GCH1: variants seen among roughly 807,000 people sequenced by gnomAD.
The protein encoded by GCH1 is GTP cyclohydrolase 1, also known as GTP cyclohydrolase I.
A neutral mutation model predicts 25.9 loss-of-function variants in GCH1; 5 were observed. The observed-to-expected ratio is 0.19, with a 90% CI of 0.10 to 0.41. The LOEUF is 0.41. Among genes scored for constraint, GCH1 ranks in the 10% least tolerant of loss-of-function variants. The pLI is 1.00. For missense variants in GCH1, 261 were observed against 336.5 expected (o/e 0.78, Z 1.75); for synonymous variants, 159 against 129.6 (o/e 1.23, Z -1.54).
intron 1 of GCH1, among the ~76,000 whole-genome samples, chr14:54,874,410 GC>G (rs1426124902): frequency 1.3e-4 from 20 of 152,196 alleles, no homozygotes; most frequent in Admixed American, 1.3e-3. Context: ...AAAACTGGAA[GC>G]ATTCCCTTTG....
chr14:54,875,351 A>G (rs1223539363), intron 1 of GCH1, among the ~76,000 whole-genome samples: 3 of 152,230 alleles, frequency 2.0e-5, no homozygotes, highest in Non-Finnish European at 4.4e-5. Flanking sequence ...TAAACGTTAG[A>G]CCTAAAACCA....
At chr14:54,870,543 G>A (rs1198190568) in intron 1 of GCH1, among the ~76,000 whole-genome samples, 1 of 152,172 alleles carries the variant, frequency 6.6e-6, no homozygotes. Context: ...GCCAAAGCAG[G>A]GCGAGGCGTC....
rs181674470 is a variant in GCH1 at position 54,843,761 on chromosome 14, T to C, written c.*256A>G. On this transcript the variant is annotated 3_prime_UTR_variant, in exon 6 of 6. Transcript: ENST00000491895. ...CCAGGCCCCTCTGGTTATCTGGCAG[T>C]GGTTTTGTGCACGTACTTACACTAT... is the stretch of plus-strand genomic sequence containing the variant. 2.2e-4 allele frequency: 363 copies of C among 1,613,986 alleles called. 3 individuals carry two copies. In the East Asian group the frequency reaches 6.2e-3, roughly 28 times the overall value.
At chr14:54,846,179 A>G (rs2039639037) in intron 4 of GCH1, among the ~76,000 whole-genome samples, 1 of 152,212 alleles carries the variant, frequency 6.6e-6, no homozygotes, top group Non-Finnish European at 1.5e-5. Flanking sequence ...ACCTCCATGG[A>G]GGTAAAGTAG....
chr14:54,847,598 C>G (rs1296359405), intron 3 of GCH1, among the ~76,000 whole-genome samples: 3 of 152,254 alleles, frequency 2.0e-5, no homozygotes, highest in South Asian at 4.2e-4. Flanking sequence ...CTCCTTGCTC[C>G]TCAAGCTTGC....
intron 3 of GCH1, among the ~76,000 whole-genome samples, chr14:54,847,595 C>T (rs1304990642): frequency 4.6e-5 from 7 of 152,126 alleles, no homozygotes; most frequent in African/African-American, 1.7e-4. Flanking sequence ...GCTCTCCTTG[C>T]TCCTCAAGCT....
intron 1 of GCH1, among the ~76,000 whole-genome samples, chr14:54,892,820 T>G (rs2040440054): frequency 6.6e-6 from 1 of 152,244 alleles, no homozygotes; most frequent in Non-Finnish European, 1.5e-5. Flanking sequence ...GGCTCATGCC[T>G]GTAATCCCAG....
At chr14:54,870,796 G>A (rs1272883269) in intron 1 of GCH1, among the ~76,000 whole-genome samples, 1 of 152,220 alleles carries the variant, frequency 6.6e-6, no homozygotes, top group African/African-American at 2.4e-5. Context: ...CAGCGAGGCT[G>A]GGGGAGGGGC....
chr14:54,843,543 A>C lies in GCH1; in HGVS notation c.*474T>G, dbSNP rs1378724394. The C allele has an allele frequency of 7.4e-7, 1 of 1,353,038 alleles. No individual in the cohort carries two copies. Among genetic ancestry groups the C allele is most frequent in the African/African-American group, 1.5e-5 (1 of 67,946 alleles). The allele number at this position is 1,353,038 out of a possible 1,614,324, so 83.8% of individuals were successfully genotyped here. A position where few individuals can be genotyped will look rare whatever the true frequency, so the allele number is the denominator to read the frequency against. On this transcript the variant is annotated 3_prime_UTR_variant, in exon 6 of 6. Coordinates refer to ENST00000491895, the MANE Select transcript of GCH1 (RefSeq NM_000161.3). ...TGGTTTAATAAACATGACCAAAGTG[A>C]AGTCTGTTGAACTTGAATTCACAGA...
chr14:54,898,935 A>C lies in GCH1; in HGVS notation c.343+3386T>G, dbSNP rs116301374. 9.6e-3 allele frequency among the ~76,000 whole-genome samples: 1,462 copies of C among 152,220 alleles called. 28 individuals carry two copies. Among genetic ancestry groups the C allele is most frequent in the African/African-American group, 0.033 (1,371 of 41,536 alleles). ...CACCATGCCTGGCCCAATTTTCTTAATTTTTAAATTTTGTTAAAAACTAAG... is the reference window on the plus strand; with the variant it reads ...CACCATGCCTGGCCCAATTTTCTTACTTTTTAAATTTTGTTAAAAACTAAG... On this transcript the variant is annotated intron_variant, in intron 1 of 5. Transcript: ENST00000491895.
chr14:54,873,279 A>G (rs1279456605), intron 1 of GCH1, among the ~76,000 whole-genome samples: 1 of 152,340 alleles, frequency 6.6e-6, no homozygotes, highest in East Asian at 1.9e-4. Context: ...AGACATAAAG[A>G]TGTTCTTTGA....
intron 2 of GCH1, 67 bp from the exon 3 acceptor site, chr14:54,859,803 G>A (rs541404339): frequency 2.4e-6 from 2 of 834,808 alleles, no homozygotes; most frequent in East Asian, 4.8e-5. Context: ...ACAAAATAAG[G>A]AAATATAGAA....
At chr14:54,857,661 T>C (rs762494288) in intron 3 of GCH1, among the ~76,000 whole-genome samples, 6 of 152,252 alleles carry the variant, frequency 3.9e-5, no homozygotes, top group African/African-American at 7.2e-5. Flanking sequence ...CTGTATATTA[T>C]AAAACCATAA....
intron 1 of GCH1, among the ~76,000 whole-genome samples, chr14:54,865,831 A>G (rs556657393): frequency 1.3e-4 from 20 of 152,328 alleles, no homozygotes; most frequent in African/African-American, 3.8e-4. Flanking sequence ...GTAGAAAACC[A>G]TATCTGAGAA....
chr14:54,891,154 G>C (rs1410684546), intron 1 of GCH1, among the ~76,000 whole-genome samples: 1 of 152,180 alleles, frequency 6.6e-6, no homozygotes, highest in African/African-American at 2.4e-5. Flanking sequence ...CCAGGTTGGA[G>C]TGTAGTGGCA....
intron 2 of GCH1, among the ~76,000 whole-genome samples, chr14:54,863,904 G>GC (rs1259243233): frequency 1.3e-5 from 2 of 152,072 alleles, no homozygotes; most frequent in Non-Finnish European, 2.9e-5. Context: ...TGTTGCCCAG[G>GC]CTAGGATATA....
intron 1 of GCH1, among the ~76,000 whole-genome samples, chr14:54,881,165 C>T (rs1356740720): frequency 1.3e-5 from 2 of 151,868 alleles, no homozygotes; most frequent in Non-Finnish European, 2.9e-5. Flanking sequence ...CATACACATG[C>T]TGGCATTTGT....
At chr14:54,871,204 C>G (rs1367920240) in intron 1 of GCH1, among the ~76,000 whole-genome samples, 4 of 152,210 alleles carry the variant, frequency 2.6e-5, no homozygotes, top group Non-Finnish European at 5.9e-5. Context: ...ATCCACTGTT[C>G]TGCAGCCTCC....
At chr14:54,844,197 G>C in intron 5 of GCH1, 54 bp from the exon 6 acceptor site, 3 of 1,217,306 alleles carry the variant, frequency 2.5e-6, no homozygotes, top group Non-Finnish European at 3.7e-6. Context: ...TGCTGGTTTG[G>C]TTTTTAAAAG....
Sources: allele counts gnomAD v4.1 joint callset (sites outside exome capture counted in the v4.1 genomes callset), GRCh38; gene constraint gnomAD v4.1.1; transcripts MANE v1.5; gene names NCBI Gene and HGNC (gene_info 2026-07-23, HGNC 2026-07-21).